MYRFL: variants seen among roughly 807,000 people sequenced by gnomAD.
MYRFL encodes myelin regulatory factor-like protein.
MYRFL carries 88 observed loss-of-function variants against 109.4 expected under a neutral mutation model. The ratio of observed to expected loss-of-function variants is 0.80; its 90% CI spans 0.68 to 0.96. The LOEUF (loss-of-function observed/expected upper bound fraction) is 0.96, where lower values mean the gene tolerates loss of function less well. Among genes scored for constraint, MYRFL ranks in the 40% least tolerant of loss-of-function variants. The pLI is 0.00. For synonymous variants in MYRFL, 324 were observed against 320.9 expected (o/e 1.01, Z -0.10); for missense variants, 957 against 954.9 (o/e 1.00, Z -0.03).
chr12:69,902,959 T>C (rs576182610), intron 10 of MYRFL, among the ~76,000 whole-genome samples: 1 of 152,364 alleles, frequency 6.6e-6, no homozygotes, highest in Admixed American at 6.5e-5. Flanking sequence ...CAGAACTTAT[T>C]AGCTTTGTGG....
chr12:69,849,172 A>C (rs1319679541), intron 1 of MYRFL, among the ~76,000 whole-genome samples: 1 of 152,252 alleles, frequency 6.6e-6, no homozygotes, highest in Admixed American at 6.5e-5. Flanking sequence ...GCGCCCAGCC[A>C]ACACTGGGTC....
At chr12:69,837,521 A>G (rs756281406) in intron 1 of MYRFL, among the ~76,000 whole-genome samples, 6 of 152,216 alleles carry the variant, frequency 3.9e-5, no homozygotes, top group Non-Finnish European at 8.8e-5. Context: ...ATGAACCAGT[A>G]GTAGATTCAT....
intron 1 of MYRFL, among the ~76,000 whole-genome samples, chr12:69,848,243 T>C (rs866219221): frequency 1.2e-4 from 18 of 152,120 alleles, no homozygotes; most frequent in Non-Finnish European, 1.3e-4. Context: ...ATCCCTTTTT[T>C]ACTCACATGT....
intron 5 of MYRFL, among the ~76,000 whole-genome samples, chr12:69,882,831 G>C (rs1001473624): frequency 6.6e-6 from 1 of 152,192 alleles, no homozygotes; most frequent in Non-Finnish European, 1.5e-5. Flanking sequence ...CAGCCCTAGA[G>C]TCATGGCCAG....
In MYRFL at chr12:69,909,986, G is replaced by T; in HGVS notation, c.1401G>T (p.Gln467His). 2.0e-6 allele frequency: 3 copies of T among 1,531,026 alleles called. No homozygotes were observed. The highest frequency in any genetic ancestry group is 2.6e-6 in the Non-Finnish European group (3 of 1,145,424). 94.8% of individuals were successfully genotyped at this position (1,531,026 alleles called of 1,614,324 possible). A position where few individuals can be genotyped will look rare whatever the true frequency, so the allele number is the denominator to read the frequency against. The change falls in exon 12 of 25, where the codon CAG (glutamine) becomes CAT (histidine). Residue 467 changes from glutamine (Q) to histidine (H), a missense_variant. Physicochemically the swap from Gln to His is conservative, Grantham distance 24. Transcript: ENST00000552032. Reference protein sequence around the residue: ...QNIQEVDTNEQLKRIAQMRIV... With the variant: ...QNIQEVDTNEHLKRIAQMRIV... ...TAAATTAGGTTGACACGAATGAACA[G>T]CTGAAAAGAATAGCCCAAATGAGAA...
At chr12:69,869,207 C>T (rs1885200235) in intron 2 of MYRFL, among the ~76,000 whole-genome samples, 1 of 152,238 alleles carries the variant, frequency 6.6e-6, no homozygotes, top group African/African-American at 2.4e-5. Context: ...TGGGTACAGT[C>T]TGCCCTGGCA....
chr12:69,922,242 C>T lies in MYRFL; in HGVS notation c.1603-4329C>T, dbSNP rs1357698729. 1.9e-4 allele frequency among the ~76,000 whole-genome samples: 29 copies of T among 152,122 alleles called. 3 individuals carry two copies. The South Asian group carries it at 5.4e-3, about 28-fold the overall frequency. On this transcript the variant is annotated intron_variant, in intron 13 of 24. Coordinates refer to ENST00000552032, the MANE Select transcript of MYRFL (RefSeq NM_182530.3). Reference sequence around the variant, plus strand: ...ATACAGCTGTAATTATAGTATAAGGCTCTCTACAGGGTAAACATAGTAAAT... The same window carrying T: ...ATACAGCTGTAATTATAGTATAAGGTTCTCTACAGGGTAAACATAGTAAAT...
intron 1 of MYRFL, among the ~76,000 whole-genome samples, chr12:69,850,771 T>C (rs751442939): frequency 1.3e-5 from 2 of 152,114 alleles, no homozygotes; most frequent in Non-Finnish European, 2.9e-5. Flanking sequence ...TTACATGAAT[T>C]CGCTCTTCAT....
chr12:69,933,407 T>A (rs1392742051), intron 16 of MYRFL, among the ~76,000 whole-genome samples: 3 of 152,030 alleles, frequency 2.0e-5, no homozygotes, highest in Non-Finnish European at 4.4e-5. Flanking sequence ...GGTGAAAGGG[T>A]ATTTATCTGT....
At chr12:69,856,568 G>A (rs1200535067) in intron 2 of MYRFL, among the ~76,000 whole-genome samples, 1 of 151,926 alleles carries the variant, frequency 6.6e-6, no homozygotes, top group Non-Finnish European at 1.5e-5. Flanking sequence ...GGTATTATGA[G>A]TTTAAAATTG....
At chr12:69,945,282 C>A (rs1030162726) in intron 19 of MYRFL, among the ~76,000 whole-genome samples, 30 of 151,584 alleles carry the variant, frequency 2.0e-4, no homozygotes, top group African/African-American at 6.8e-4. Flanking sequence ...CGCTCACTCA[C>A]TGATTGACTC....
chr12:69,942,944 A>G (rs1407450729), intron 19 of MYRFL, among the ~76,000 whole-genome samples: 1 of 152,100 alleles, frequency 6.6e-6, no homozygotes, highest in Admixed American at 6.5e-5. Context: ...TGCTTCAAAG[A>G]GAATAAAATA....
At chr12:69,873,389 A>C (rs1000487459) in intron 2 of MYRFL, among the ~76,000 whole-genome samples, 22 of 152,226 alleles carry the variant, frequency 1.4e-4, no homozygotes, top group African/African-American at 5.3e-4. Context: ...CAATCTCAGC[A>C]CACGATTTTT....
At chr12:69,935,505 G>A (rs1955420434) in intron 16 of MYRFL, among the ~76,000 whole-genome samples, 1 of 152,212 alleles carries the variant, frequency 6.6e-6, no homozygotes, top group South Asian at 2.1e-4. Flanking sequence ...AAGTTCCAGT[G>A]ATGGGGGAGA....
chr12:69,933,441 T>TA (rs1475552873), intron 16 of MYRFL, among the ~76,000 whole-genome samples: 1 of 152,148 alleles, frequency 6.6e-6, no homozygotes, highest in Non-Finnish European at 1.5e-5. Context: ...CTTTGTTTGT[T>TA]AGCATGGGAA....
chr12:69,918,618 C>A (rs1566024539), intron 13 of MYRFL, among the ~76,000 whole-genome samples: 1 of 152,194 alleles, frequency 6.6e-6, no homozygotes. Context: ...GTATCCTCAA[C>A]ACCTGACATT....
intron 1 of MYRFL, among the ~76,000 whole-genome samples, chr12:69,832,189 T>C (rs1406283649): frequency 1.3e-5 from 2 of 152,210 alleles, no homozygotes; most frequent in East Asian, 3.9e-4. Flanking sequence ...TCCAGGCTTG[T>C]AGAGAATTAC....
chr12:69,855,295 G>T lies in MYRFL; in HGVS notation c.62G>T (p.Gly21Val), dbSNP rs1334232925. The T allele has an allele frequency of 2.8e-6, 2 of 702,568 alleles. No homozygotes were observed. The highest frequency in any genetic ancestry group is 2.6e-6 in the Non-Finnish European group (1 of 384,752). The allele number at this position is 702,568 out of a possible 1,614,324, so 43.5% of individuals were successfully genotyped here. A position where few individuals can be genotyped will look rare whatever the true frequency, so the allele number is the denominator to read the frequency against. Residue 21 changes from glycine to valine, a missense_variant, in exon 2 of 25, where the codon GGT becomes GTT. Coordinates refer to ENST00000552032, the MANE Select transcript of MYRFL (RefSeq NM_182530.3). Reference protein sequence around the residue: ...QQFFEAQGANGTLENPALDTS... With the variant: ...QQFFEAQGANVTLENPALDTS... Reference sequence around the variant, plus strand: ...GCCTTTGCAGCTCAGGGAGCCAATGGTACTCTGGAGAACCCAGCCCTGGAC... The same window carrying T: ...GCCTTTGCAGCTCAGGGAGCCAATGTTACTCTGGAGAACCCAGCCCTGGAC...
chr12:69,891,285 T>A, intron 7 of MYRFL, 119 bp downstream of exon 7: 1 of 762,296 alleles, frequency 1.3e-6, no homozygotes, highest in Non-Finnish European at 1.9e-6. Flanking sequence ...TTTATTTTGG[T>A]CACAAATCTG....
Sources: allele counts gnomAD v4.1 joint callset (sites outside exome capture counted in the v4.1 genomes callset), GRCh38; gene constraint gnomAD v4.1.1; transcripts MANE v1.5; gene names NCBI Gene and HGNC (gene_info 2026-07-23, HGNC 2026-07-21).